TBC1D32: variants seen among roughly 807,000 people sequenced by gnomAD.
The protein encoded by TBC1D32 is TBC1 domain family member 32.
In TBC1D32, 151 loss-of-function variants were observed where a neutral mutation model predicts 170.3. The observed-to-expected ratio is 0.89, with a 90% CI of 0.78 to 1.01. TBC1D32 has a LOEUF of 1.01. TBC1D32 is among the 50% of genes least tolerant of loss of function. The pLI, the probability that TBC1D32 is intolerant of heterozygous loss-of-function variation, is 0.00. For synonymous variants in TBC1D32, 498 were observed against 488.0 expected (o/e 1.02, Z -0.27); for missense variants, 1,464 against 1,457.1 (o/e 1.00, Z -0.08).
chr6:121,249,144 T>C (rs906508071), intron 17 of TBC1D32, among the ~76,000 whole-genome samples: 2 of 151,820 alleles, frequency 1.3e-5, no homozygotes, highest in African/African-American at 2.4e-5. Flanking sequence ...AATGTAGGGA[T>C]GGTTTAACAT....
intron 24 of TBC1D32, among the ~76,000 whole-genome samples, chr6:121,141,426 AATAC>A (rs1184659310): frequency 3.9e-5 from 6 of 152,200 alleles, no homozygotes; most frequent in Admixed American, 3.3e-4. Flanking sequence ...TTATGTCTAG[AATAC>A]ATAAAGTGCT....
chr6:121,236,994 T>C (rs1056047938), intron 20 of TBC1D32: 5 of 152,214 alleles, frequency 3.3e-5, no homozygotes, highest in Admixed American at 3.3e-4. Flanking sequence ...CCTGTTTCCA[T>C]CCTGAAAATC....
chr6:121,245,740 C>G (rs1422469070), intron 17 of TBC1D32, among the ~76,000 whole-genome samples: 1 of 152,024 alleles, frequency 6.6e-6, no homozygotes, highest in African/African-American at 2.4e-5. Flanking sequence ...TCCCCTCCCC[C>G]CATCCCCAGA....
intron 20 of TBC1D32, among the ~76,000 whole-genome samples, chr6:121,237,223 T>C (rs2128351661): frequency 6.6e-6 from 1 of 152,198 alleles, no homozygotes; most frequent in East Asian, 1.9e-4. Flanking sequence ...TACTGCCTCC[T>C]GGTTTCCACT....
chr6:121,297,137 A>C (rs892705374), intron 10 of TBC1D32, among the ~76,000 whole-genome samples: 1 of 152,110 alleles, frequency 6.6e-6, no homozygotes, highest in Non-Finnish European at 1.5e-5. Context: ...ATCACATTAC[A>C]TGACATCCCT....
At chr6:121,282,127 G>A (rs1803106578) in intron 13 of TBC1D32, among the ~76,000 whole-genome samples, 1 of 151,506 alleles carries the variant, frequency 6.6e-6, no homozygotes, top group South Asian at 2.1e-4. Flanking sequence ...AAGAAAATGG[G>A]AAAAAGGAGG....
rs750417553 is a variant in TBC1D32 at position 121,317,556 on chromosome 6, T to A, written c.434A>T (p.Lys145Met). ...RNQERQKKIQ[K>M]EKSHSYRTDN... ...TGTGCGGTAACTATGGCTTTTCTCC[T>A]TTTGGATTTTTTTCTGCCTTTCTTG... Residue 145 changes from lysine (K) to methionine (M), a missense_variant, in exon 3 of 32, where the codon AAG becomes ATG. Physicochemically the swap from Lys to Met is moderately conservative, Grantham distance 95. Around this residue, in one of 3 missense-constraint regions of TBC1D32, gnomAD observed 1,363 missense variants for 1,338.1 expected, o/e 1.02. Transcript: ENST00000398212. The A allele has an allele frequency of 6.2e-7, 1 of 1,613,010 alleles. No individual in the cohort carries two copies. The highest frequency in any genetic ancestry group is 1.1e-5 in the South Asian group (1 of 90,998).
At chr6:121,279,290 C>T (rs552767195) in intron 14 of TBC1D32, 45 bp from the exon 15 acceptor site, 1 of 1,580,408 alleles carries the variant, frequency 6.3e-7, no homozygotes, top group Admixed American at 2.0e-5. Flanking sequence ...AATTTTATGA[C>T]ATGCTAACAT....
At chr6:121,300,659 C>T (rs532740202) in intron 9 of TBC1D32, among the ~76,000 whole-genome samples, 1 of 152,084 alleles carries the variant, frequency 6.6e-6, no homozygotes, top group Non-Finnish European at 1.5e-5. Context: ...ACACCAAAAG[C>T]AATGACAACA....
intron 15 of TBC1D32, among the ~76,000 whole-genome samples, chr6:121,269,972 T>C (rs2128422397): frequency 6.6e-6 from 1 of 151,974 alleles, no homozygotes; most frequent in East Asian, 1.9e-4. Flanking sequence ...TCAAAACTGC[T>C]CAACTACATG....
chr6:121,194,019 T>A (rs893151855), intron 22 of TBC1D32, among the ~76,000 whole-genome samples: 1 of 151,968 alleles, frequency 6.6e-6, no homozygotes, highest in Non-Finnish European at 1.5e-5. Context: ...TAACTGTGAA[T>A]TGGGGAAAGG....
chr6:121,158,805 G>A (rs1413363993), intron 24 of TBC1D32, among the ~76,000 whole-genome samples: 1 of 152,130 alleles, frequency 6.6e-6, no homozygotes, highest in Non-Finnish European at 1.5e-5. Context: ...GTTTAAGAGT[G>A]GTGGCCTGCA....
intron 22 of TBC1D32, among the ~76,000 whole-genome samples, chr6:121,204,104 T>TGG (rs34146127): frequency 0.69 from 103,731 of 150,534 alleles, 41,129 homozygotes; most frequent in Non-Finnish European, 0.87. Context: ...AATTCTACTG[T>TGG]AGTTTTTCCT....
At chr6:121,175,575 A>G (rs1787652042) in intron 22 of TBC1D32, among the ~76,000 whole-genome samples, 1 of 152,214 alleles carries the variant, frequency 6.6e-6, no homozygotes, top group Non-Finnish European at 1.5e-5. Context: ...ATCAATATGT[A>G]ACAGAAGAGA....
chr6:121,161,964 G>A (rs1785732537), intron 22 of TBC1D32, among the ~76,000 whole-genome samples: 1 of 151,942 alleles, frequency 6.6e-6, no homozygotes, highest in South Asian at 2.1e-4. Context: ...TATGTTTGTT[G>A]GCCACATGTA....
chr6:121,255,412 T>TA lies in TBC1D32; in HGVS notation c.1936-3dup, dbSNP rs1798830675. 1 of 1,431,886 alleles carries TA rather than the reference T, an allele frequency of 7.0e-7. No homozygotes were observed. Among genetic ancestry groups the TA allele is most frequent in the Non-Finnish European group, 9.3e-7 (1 of 1,080,088 alleles). 88.7% of individuals were successfully genotyped at this position (1,431,886 alleles called of 1,614,324 possible). A position where few individuals can be genotyped will look rare whatever the true frequency, so the allele number is the denominator to read the frequency against. ...AATTCTTTCTGATAGCAAACTTGTC[T>TA]AAAAAATAGTAGAATAATTTATATT... is the stretch of plus-strand genomic sequence containing the variant. On this transcript the variant is annotated splice_polypyrimidine_tract_variant and splice_region_variant and intron_variant, in intron 16 of 31. Coordinates refer to ENST00000398212, the MANE Select transcript of TBC1D32 (RefSeq NM_152730.6).
chr6:121,223,455 T>C, intron 20 of TBC1D32, 103 bp from the exon 21 acceptor site: 1 of 745,612 alleles, frequency 1.3e-6, no homozygotes, highest in South Asian at 1.6e-5. Flanking sequence ...TGAGGGCTCA[T>C]TTTTAAATAT....
At chr6:121,304,888 G>A in intron 5 of TBC1D32, 55 bp from the exon 6 acceptor site, 1 of 1,170,972 alleles carries the variant, frequency 8.5e-7, no homozygotes, top group Non-Finnish European at 1.2e-6. Context: ...ATAGAATAGA[G>A]ATGAAACATT....
intron 13 of TBC1D32, among the ~76,000 whole-genome samples, chr6:121,282,190 T>C (rs915296617): frequency 6.6e-6 from 1 of 151,674 alleles, no homozygotes; most frequent in Non-Finnish European, 1.5e-5. Flanking sequence ...ATACTTCTTG[T>C]ATTACCATAA....
Sources: gnomAD v4.1 joint callset for allele counts (sites outside exome capture counted in the v4.1 genomes callset) on GRCh38, gnomAD v4.1.1 for gene constraint, gnomAD v4.1.1 regional missense constraint, MANE v1.5 for transcripts, NCBI Gene and HGNC (gene_info 2026-07-23, HGNC 2026-07-21) for gene names.